Variants in GRID2 observed in about 807,000 individuals in gnomAD.
The protein encoded by GRID2 is glutamate receptor ionotropic, delta-2.
GRID2 carries 33 observed loss-of-function variants against 114.8 expected under a neutral mutation model. The ratio of observed to expected loss-of-function variants is 0.29; its 90% confidence interval spans 0.22 to 0.38. The LOEUF (loss-of-function observed/expected upper bound fraction) is 0.38. Among genes scored for constraint, GRID2 ranks in the 10% least tolerant of loss-of-function variants. The pLI, the probability that GRID2 is intolerant of heterozygous loss-of-function variation, is 1.00. For synonymous variants in GRID2, 505 were observed against 449.9 expected (o/e 1.12, Z -1.55); for missense variants, 1,184 against 1,257.7 (o/e 0.94, Z 0.89).
At chr4:93,184,755 G>T (rs1264217053) in intron 4 of GRID2, among the ~76,000 whole-genome samples, 1 of 151,988 alleles carries the variant, frequency 6.6e-6, no homozygotes. Context: ...GGTGGCGTGT[G>T]CCTGTAATCG....
chr4:92,361,468 C>G (rs1728617165), intron 1 of GRID2, among the ~76,000 whole-genome samples: 2 of 151,768 alleles, frequency 1.3e-5, no homozygotes, highest in South Asian at 4.1e-4. Flanking sequence ...ATAATTGAAA[C>G]AGTAAAAATC....
At chr4:92,634,878 AAAGAG>A (rs1730994997) in intron 2 of GRID2, among the ~76,000 whole-genome samples, 1 of 135,106 alleles carries the variant, frequency 7.4e-6, no homozygotes, top group Non-Finnish European at 1.7e-5. Context: ...AGAGAGAGAG[AAAGAG>A]AGAGAGAGAG....
chr4:93,736,861 C>CAAAAAA (rs11437016), intron 14 of GRID2, among the ~76,000 whole-genome samples: 1 of 122,342 alleles, frequency 8.2e-6, no homozygotes, highest in Non-Finnish European at 1.7e-5. Flanking sequence ...CAGACTTGCT[C>CAAAAAA]AAAAAAAAAA....
intron 2 of GRID2, among the ~76,000 whole-genome samples, chr4:92,816,882 A>G (rs1452277565): frequency 6.6e-6 from 1 of 152,164 alleles, no homozygotes; most frequent in Non-Finnish European, 1.5e-5. Flanking sequence ...AAATTTAAAA[A>G]CAGGGATATA....
intron 4 of GRID2, among the ~76,000 whole-genome samples, chr4:93,205,354 G>A (rs151141245): frequency 1.2e-3 from 181 of 152,036 alleles, no homozygotes; most frequent in African/African-American, 4.1e-3. Context: ...TCCCCTTCCC[G>A]TGTCCATGTG....
At chr4:93,434,385 C>A (rs1720864269) in intron 10 of GRID2, among the ~76,000 whole-genome samples, 1 of 152,042 alleles carries the variant, frequency 6.6e-6, no homozygotes, top group South Asian at 2.1e-4. Flanking sequence ...ACCAACATGG[C>A]ACATGTATAC....
At chr4:93,410,467 C>G (rs182973053) in intron 9 of GRID2, among the ~76,000 whole-genome samples, 21 of 152,308 alleles carry the variant, frequency 1.4e-4, no homozygotes, top group Non-Finnish European at 2.8e-4. Context: ...TGCTTTCAGA[C>G]CTTACCTTCC....
intron 1 of GRID2, among the ~76,000 whole-genome samples, chr4:92,385,216 A>C (rs1309410987): frequency 6.6e-6 from 1 of 151,750 alleles, no homozygotes; most frequent in Non-Finnish European, 1.5e-5. Context: ...TTATAATATA[A>C]TTTAGATATA....
At chr4:92,838,198 T>A (rs927295248) in intron 2 of GRID2, among the ~76,000 whole-genome samples, 6 of 152,096 alleles carry the variant, frequency 3.9e-5, no homozygotes, top group Non-Finnish European at 8.8e-5. Context: ...TATTTTTCTG[T>A]TAGATACACA....
chr4:92,440,354 G>C (rs367768718), intron 1 of GRID2, among the ~76,000 whole-genome samples: 2 of 127,554 alleles, frequency 1.6e-5, no homozygotes, highest in Non-Finnish European at 1.9e-5. Flanking sequence ...TCTGACAGAA[G>C]GGAAGAAATG....
intron 8 of GRID2, among the ~76,000 whole-genome samples, chr4:93,252,139 C>T (rs191073950): frequency 9.9e-5 from 15 of 152,032 alleles, no homozygotes; most frequent in African/African-American, 2.4e-4. Context: ...AATCTTTGCC[C>T]GTGCCTATGT....
intron 3 of GRID2, among the ~76,000 whole-genome samples, chr4:93,091,666 A>T (rs1237894377): frequency 6.6e-6 from 1 of 152,078 alleles, no homozygotes; most frequent in African/African-American, 2.4e-5. Flanking sequence ...GACTTTTTAT[A>T]AAAAATGGTG....
chr4:93,746,949 A>AT (rs977074258), intron 14 of GRID2, among the ~76,000 whole-genome samples: 4 of 151,978 alleles, frequency 2.6e-5, no homozygotes, highest in African/African-American at 9.6e-5. Context: ...GGATTAGAGA[A>AT]TTTTTTTCAC....
At chr4:93,370,826 G>A (rs1762817808) in intron 8 of GRID2, among the ~76,000 whole-genome samples, 1 of 152,038 alleles carries the variant, frequency 6.6e-6, no homozygotes, top group Non-Finnish European at 1.5e-5. Flanking sequence ...AGACAGAACT[G>A]GGTCTTATCT....
chr4:92,311,049 A>G (rs1579159117), intron 1 of GRID2, among the ~76,000 whole-genome samples: 1 of 151,852 alleles, frequency 6.6e-6, no homozygotes, highest in Admixed American at 6.6e-5. Flanking sequence ...TTTGTTTTCG[A>G]TTTTGTTTTC....
At chr4:92,506,192 A>C (rs750758317) in intron 1 of GRID2, among the ~76,000 whole-genome samples, 4 of 152,008 alleles carry the variant, frequency 2.6e-5, no homozygotes, top group Non-Finnish European at 5.9e-5. Flanking sequence ...TATAGCATGC[A>C]GTAAAAAAAG....
At chr4:93,429,433 G>A (rs1769186294) in intron 10 of GRID2, among the ~76,000 whole-genome samples, 1 of 152,016 alleles carries the variant, frequency 6.6e-6, no homozygotes, top group Admixed American at 6.5e-5. Flanking sequence ...ATTCCTTTGG[G>A]GTTTATATGA....
At chr4:93,531,175 C>T (rs868440797) in intron 13 of GRID2, among the ~76,000 whole-genome samples, 1 of 151,998 alleles carries the variant, frequency 6.6e-6, no homozygotes, top group East Asian at 1.9e-4. Context: ...GCAGGAAAGA[C>T]AGAGTAAGAC....
At chr4:92,614,178 A>G (rs1379859187) in intron 2 of GRID2, among the ~76,000 whole-genome samples, 1 of 151,446 alleles carries the variant, frequency 6.6e-6, no homozygotes, top group African/African-American at 2.4e-5. Context: ...ATTTCTTCCT[A>G]TCCTGCCTCC....
Sources: allele counts gnomAD v4.1 joint callset (sites outside exome capture counted in the v4.1 genomes callset), GRCh38; gene constraint gnomAD v4.1.1; transcripts MANE v1.5; gene names NCBI Gene and HGNC (gene_info 2026-07-23, HGNC 2026-07-21).